The following THSD7B variants were observed in gnomAD, a reference collection of about 807,000 sequenced individuals.
THSD7B encodes the protein thrombospondin type 1 domain containing 7B.
A neutral mutation model predicts 213.6 loss-of-function variants in THSD7B; 138 were observed. That is an observed-to-expected ratio of 0.65 (90% CI 0.56 to 0.74). The LOEUF (loss-of-function observed/expected upper bound fraction) is 0.74, where lower values mean the gene tolerates loss of function less well. Among genes scored for constraint, THSD7B ranks in the 30% least tolerant of loss-of-function variants. The pLI is 0.00. For missense variants in THSD7B, 1,931 were observed against 1,991.5 expected (o/e 0.97, Z 0.58); for synonymous variants, 742 against 687.0 (o/e 1.08, Z -1.25).
intron 3 of THSD7B, among the ~76,000 whole-genome samples, chr2:137,081,750 T>C (rs1206171337): frequency 6.6e-6 from 1 of 152,188 alleles, no homozygotes; most frequent in Non-Finnish European, 1.5e-5. Flanking sequence ...CTGGCTTTTA[T>C]TGCAGTTTTA....
At chr2:136,768,441 C>G (rs1681445962) in intron 1 of THSD7B, among the ~76,000 whole-genome samples, 1 of 152,128 alleles carries the variant, frequency 6.6e-6, no homozygotes, top group African/African-American at 2.4e-5. Flanking sequence ...GTTCTGCACA[C>G]TTTACAAAGA....
chr2:137,361,877 A>G (rs1315704270), intron 12 of THSD7B, among the ~76,000 whole-genome samples: 1 of 152,172 alleles, frequency 6.6e-6, no homozygotes, highest in Non-Finnish European at 1.5e-5. Context: ...CAGGAAATAC[A>G]GAGAACACCA....
intron 12 of THSD7B, among the ~76,000 whole-genome samples, chr2:137,279,611 G>A (rs1682953223): frequency 6.6e-6 from 1 of 152,054 alleles, no homozygotes; most frequent in South Asian, 2.1e-4. Flanking sequence ...TAAATGCGTT[G>A]CAAAATGCTG....
At chr2:136,949,087 TTGAA>T (rs1573728318) in intron 2 of THSD7B, among the ~76,000 whole-genome samples, 1 of 152,282 alleles carries the variant, frequency 6.6e-6, no homozygotes, top group South Asian at 2.1e-4. Context: ...TTGTCTTAGT[TTGAA>T]TGGCCTTTTG....
At chr2:137,361,261 A>G (rs935002089) in intron 12 of THSD7B, among the ~76,000 whole-genome samples, 38 of 152,220 alleles carry the variant, frequency 2.5e-4, no homozygotes, top group Admixed American at 3.9e-4. Flanking sequence ...AGATAAAACC[A>G]CAAAGATGGC....
At chr2:137,411,989 C>G in intron 14 of THSD7B, 117 bp downstream of exon 14, 2 of 1,181,108 alleles carry the variant, frequency 1.7e-6, no homozygotes, top group South Asian at 1.6e-5. Context: ...TTTCCTTTGT[C>G]AATAACACAT....
intron 7 of THSD7B, among the ~76,000 whole-genome samples, chr2:137,222,296 T>C (rs1265641114): frequency 1.3e-5 from 2 of 152,214 alleles, no homozygotes; most frequent in Non-Finnish European, 2.9e-5. Flanking sequence ...CGTCACATTT[T>C]GGTAAATGTC....
chr2:136,802,638 T>TC (rs1491125150), intron 1 of THSD7B, among the ~76,000 whole-genome samples: 2 of 104,678 alleles, frequency 1.9e-5, no homozygotes, highest in Non-Finnish European at 3.8e-5. Flanking sequence ...ATGAATTAAG[T>TC]TTATATATAT....
intron 4 of THSD7B, among the ~76,000 whole-genome samples, chr2:137,110,627 T>C (rs1317008202): frequency 6.6e-6 from 1 of 152,218 alleles, no homozygotes; most frequent in Non-Finnish European, 1.5e-5. Context: ...GAATTTGATT[T>C]TGGGGCCTTG....
chr2:137,402,035 A>G (rs576306256), intron 12 of THSD7B, among the ~76,000 whole-genome samples: 3 of 152,220 alleles, frequency 2.0e-5, no homozygotes, highest in Non-Finnish European at 2.9e-5. Flanking sequence ...GTGTGTACAT[A>G]TACTTGCTTG....
At chr2:137,471,736 G>A (rs545669267) in intron 15 of THSD7B, among the ~76,000 whole-genome samples, 2 of 152,132 alleles carry the variant, frequency 1.3e-5, no homozygotes, top group Middle Eastern at 3.4e-3. Context: ...TGTGAAATGG[G>A]GTTTAGGTGC....
intron 14 of THSD7B, among the ~76,000 whole-genome samples, chr2:137,420,120 C>G (rs1184780320): frequency 1.3e-5 from 2 of 152,056 alleles, no homozygotes; most frequent in Non-Finnish European, 2.9e-5. Flanking sequence ...TATTCCCTGT[C>G]TTTTAGATAA....
chr2:136,934,068 A>T (rs1684678926), intron 2 of THSD7B, among the ~76,000 whole-genome samples: 1 of 152,192 alleles, frequency 6.6e-6, no homozygotes, highest in Admixed American at 6.6e-5. Flanking sequence ...AGTCTAATTA[A>T]ATTAGGGGCT....
intron 1 of THSD7B, among the ~76,000 whole-genome samples, chr2:136,838,533 G>A (rs1181718884): frequency 3.9e-5 from 6 of 152,154 alleles, no homozygotes; most frequent in East Asian, 1.9e-4. Context: ...CAAATTAAGG[G>A]TATGCCAGTC....
At chr2:137,335,007 G>GT (rs1412952777) in intron 12 of THSD7B, among the ~76,000 whole-genome samples, 1 of 152,140 alleles carries the variant, frequency 6.6e-6, no homozygotes, top group Non-Finnish European at 1.5e-5. Context: ...ATGATTGTAA[G>GT]TTTCCTGAGG....
intron 12 of THSD7B, among the ~76,000 whole-genome samples, chr2:137,290,495 G>T (rs900757352): frequency 1.3e-5 from 2 of 152,136 alleles, no homozygotes; most frequent in South Asian, 2.1e-4. Flanking sequence ...GCTGAGCCCC[G>T]CTTCTCTTTC....
chr2:136,797,994 A>G (rs1197893104), intron 1 of THSD7B, among the ~76,000 whole-genome samples: 1 of 151,938 alleles, frequency 6.6e-6, no homozygotes, highest in Non-Finnish European at 1.5e-5. Context: ...CTAGACAAGT[A>G]TCTAGCAAAA....
chr2:136,954,825 G>A (rs1187217653), intron 2 of THSD7B, among the ~76,000 whole-genome samples: 1 of 151,506 alleles, frequency 6.6e-6, no homozygotes, highest in South Asian at 2.1e-4. Context: ...TGGATCCTCA[G>A]AATTCAGCCT....
chr2:137,534,362 A>G (rs1463618947), intron 15 of THSD7B, among the ~76,000 whole-genome samples: 2 of 151,750 alleles, frequency 1.3e-5, no homozygotes, highest in Non-Finnish European at 2.9e-5. Flanking sequence ...ATAGTATTTT[A>G]TGACCAACCA....
Sources: gnomAD v4.1 joint callset for allele counts (sites outside exome capture counted in the v4.1 genomes callset) on GRCh38, gnomAD v4.1.1 for gene constraint, MANE v1.5 for transcripts, NCBI Gene and HGNC (gene_info 2026-07-23, HGNC 2026-07-21) for gene names.